CDC42SE2: variants seen among roughly 807,000 people sequenced by gnomAD.
CDC42SE2 encodes the protein CDC42 small effector protein 2.
A neutral mutation model predicts 11.5 loss-of-function variants in CDC42SE2; 3 were observed. The observed-to-expected ratio is 0.26, with a 90% confidence interval of 0.12 to 0.67. CDC42SE2 has a LOEUF of 0.67. CDC42SE2 is among the 30% of genes least tolerant of loss of function. The probability of loss-of-function intolerance (pLI) is 0.80; values close to 1 mark genes in which losing one functional copy is unlikely to be tolerated. For missense variants in CDC42SE2, 82 were observed against 106.8 expected (o/e 0.77, Z 1.02); for synonymous variants, 33 against 34.8 (o/e 0.95, Z 0.18).
chr5:131,359,039 G>T (rs181673273), intron 2 of CDC42SE2, among the ~76,000 whole-genome samples, 170 bp from the exon 3 acceptor site: 1 of 152,216 alleles, frequency 6.6e-6, no homozygotes, highest in East Asian at 1.9e-4. Flanking sequence ...CCTAGAACTT[G>T]ACACTTAAAA....
chr5:131,350,908 A>C lies in CDC42SE2; in HGVS notation c.-285-8301A>C, dbSNP rs1032714811. Among the ~76,000 whole-genome samples, 3 of 152,118 alleles carry C rather than the reference A, an allele frequency of 2.0e-5. No homozygotes were observed. In the East Asian group the frequency reaches 5.8e-4, roughly 29 times the overall value. ...AATAGACAAGTGCAATACAATAATC[A>C]GCTTAGAAGTAGACTGAATGTTACT... is the stretch of plus-strand genomic sequence containing the variant. On this transcript the variant is annotated intron_variant, in intron 2 of 4. Coordinates refer to ENST00000505065, the MANE Select transcript of CDC42SE2 (RefSeq NM_001375635.1).
At chr5:131,287,525 C>T (rs1368967064) in intron 1 of CDC42SE2, among the ~76,000 whole-genome samples, 2 of 151,356 alleles carry the variant, frequency 1.3e-5, no homozygotes, top group East Asian at 1.9e-4. Flanking sequence ...TGCAGTGGCA[C>T]GATCATGTCT....
the CDC42SE2 span, among the ~76,000 whole-genome samples, chr5:131,232,216 T>C: frequency 6.6e-6 from 1 of 151,852 alleles, no homozygotes; most frequent in African/African-American, 2.4e-5. Flanking sequence ...CGAACTCAGG[T>C]GATCCTCCCA....
intron 2 of CDC42SE2, among the ~76,000 whole-genome samples, chr5:131,326,296 G>A (rs1020446988): frequency 1.3e-4 from 20 of 151,954 alleles, no homozygotes; most frequent in Admixed American, 2.0e-4. Context: ...ATAGAGACGG[G>A]GTTTCACTGT....
chr5:131,319,290 T>C (rs1270555186), intron 2 of CDC42SE2, among the ~76,000 whole-genome samples: 1 of 152,158 alleles, frequency 6.6e-6, no homozygotes, highest in Non-Finnish European at 1.5e-5. Flanking sequence ...TTTGAGTTCT[T>C]GTATGGAATG....
At chr5:131,362,993 A>T (rs984914811) in intron 3 of CDC42SE2, among the ~76,000 whole-genome samples, 2 of 152,080 alleles carry the variant, frequency 1.3e-5, no homozygotes, top group African/African-American at 4.8e-5. Context: ...CTAAAAAAAA[A>T]AATTAGCCGG....
the CDC42SE2 span, among the ~76,000 whole-genome samples, chr5:131,212,044 A>T: frequency 2.0e-5 from 3 of 152,202 alleles, no homozygotes; most frequent in South Asian, 6.2e-4. Context: ...AAAGTAAAAT[A>T]AATTTATTTA....
chr5:131,211,818 C>CA, the CDC42SE2 span, among the ~76,000 whole-genome samples: 3 of 151,288 alleles, frequency 2.0e-5, no homozygotes, highest in Non-Finnish European at 4.4e-5. Flanking sequence ...CCCATGTCTA[C>CA]AAAAAAAATT....
chr5:131,263,507 C>T (rs542940870), upstream of CDC42SE2, among the ~76,000 whole-genome samples: 5 of 152,298 alleles, frequency 3.3e-5, no homozygotes, highest in Admixed American at 1.3e-4. Context: ...GGTGGTTTAG[C>T]CAGCCTTAAA....
chr5:131,302,633 C>G (rs1757707643), intron 1 of CDC42SE2, among the ~76,000 whole-genome samples: 2 of 152,132 alleles, frequency 1.3e-5, no homozygotes, highest in South Asian at 4.1e-4. Context: ...CTTTTCTTAA[C>G]TGCTATTCTA....
intron 3 of CDC42SE2, among the ~76,000 whole-genome samples, chr5:131,382,269 T>C (rs1447594436): frequency 6.6e-6 from 1 of 152,234 alleles, no homozygotes; most frequent in African/African-American, 2.4e-5. Flanking sequence ...TCAGTAATCA[T>C]GTTTGCTGAA....
rs907753026 is a variant in CDC42SE2, at chr5:131,379,835, G to A, written c.55-5708G>A. ...CTCTGCTAACGACAACTGTTAATAC[G>A]TATCAGAGCAGAGTGCACCATTTCC... On this transcript the variant is annotated intron_variant, in intron 3 of 4. Coordinates refer to ENST00000505065, the MANE Select transcript of CDC42SE2 (RefSeq NM_001375635.1). Among the ~76,000 whole-genome samples the A allele has an allele frequency of 3.3e-5, 5 of 152,162 alleles. 1 individual carries two copies. Among genetic ancestry groups the A allele is most frequent in the Non-Finnish European group, 5.9e-5 (4 of 68,032 alleles).
chr5:131,255,377 G>T (rs1756672009), intron 2 of CDC42SE2: 1 of 152,044 alleles, frequency 6.6e-6, no homozygotes, highest in Admixed American at 6.5e-5. Context: ...GTAGTGACTT[G>T]AAAATTTAAA....
At chr5:131,246,629 T>G (rs1170636123) in intron 1 of CDC42SE2, among the ~76,000 whole-genome samples, 2 of 152,232 alleles carry the variant, frequency 1.3e-5, no homozygotes, top group South Asian at 4.1e-4. Context: ...TAATTTTTCT[T>G]GATTTACGTC....
At chr5:131,278,103 A>C (rs1757141280) in intron 1 of CDC42SE2, among the ~76,000 whole-genome samples, 1 of 152,112 alleles carries the variant, frequency 6.6e-6, no homozygotes, top group African/African-American at 2.4e-5. Flanking sequence ...CTTGTGCCTC[A>C]GCCACCCAAG....
the CDC42SE2 span, among the ~76,000 whole-genome samples, chr5:131,236,724 G>A: frequency 9.9e-5 from 15 of 152,140 alleles, no homozygotes; most frequent in African/African-American, 2.4e-4. Context: ...ACACTCAACC[G>A]ATTAAATTTA....
At chr5:131,223,754 C>T in the CDC42SE2 span, among the ~76,000 whole-genome samples, 4 of 152,178 alleles carry the variant, frequency 2.6e-5, no homozygotes, top group African/African-American at 4.8e-5. Flanking sequence ...CCTCTATCTA[C>T]TGCCCAATTT....
At chr5:131,308,961 G>T (rs7704462) in intron 1 of CDC42SE2, among the ~76,000 whole-genome samples, 9,999 of 149,230 alleles carry the variant, frequency 0.067, 600 homozygotes, top group African/African-American at 0.17. Flanking sequence ...TAATTGCCCT[G>T]GCCAGAACTT....
intron 3 of CDC42SE2, among the ~76,000 whole-genome samples, chr5:131,372,093 C>G (rs1011385507): frequency 6.6e-6 from 1 of 152,092 alleles, no homozygotes. Context: ...GGGATCTTAA[C>G]ATGAACAAAT....
Sources: allele counts gnomAD v4.1 joint callset (sites outside exome capture counted in the v4.1 genomes callset), GRCh38; gene constraint gnomAD v4.1.1; transcripts MANE v1.5; gene names NCBI Gene and HGNC (gene_info 2026-07-23, HGNC 2026-07-21).